The following TSNARE1 variants were observed in gnomAD, a reference collection of about 807,000 sequenced individuals.
TSNARE1 encodes the protein t-SNARE domain-containing protein 1.
In TSNARE1, 49 loss-of-function variants were observed where a neutral mutation model predicts 62.0. That is an observed-to-expected ratio of 0.79 (90% CI 0.63 to 1.00). The LOEUF is 1.00. TSNARE1 is among the 50% of genes least tolerant of loss of function. TSNARE1 has a pLI of 0.00. For missense variants in TSNARE1, 755 were observed against 700.1 expected (o/e 1.08, Z -0.88); for synonymous variants, 328 against 294.4 (o/e 1.11, Z -1.17).
At chr8:142,386,818 C>T (rs1837146066) in intron 1 of TSNARE1, among the ~76,000 whole-genome samples, 1 of 152,158 alleles carries the variant, frequency 6.6e-6, no homozygotes, top group Non-Finnish European at 1.5e-5. Flanking sequence ...GCAGCCAACA[C>T]TCACAGGAGC....
intron 12 of TSNARE1, chr8:142,274,003 AGT>A (rs1437335307): frequency 2.0e-6 from 2 of 984,660 alleles, no homozygotes; most frequent in African/African-American, 1.8e-5. Flanking sequence ...CGCCCTCAAG[AGT>A]GTGTGCTCTC....
intron 12 of TSNARE1, chr8:142,273,894 C>T (rs1291232717): frequency 1.0e-6 from 1 of 985,184 alleles, no homozygotes; most frequent in Admixed American, 6.2e-5. Context: ...GCTCCTCTCT[C>T]GTCACACCTG....
chr8:142,251,531 G>A (rs1190821063), intron 12 of TSNARE1, among the ~76,000 whole-genome samples: 4 of 152,120 alleles, frequency 2.6e-5, no homozygotes, highest in East Asian at 1.9e-4. Context: ...GCTCCTGTCC[G>A]TCCGAGCAGC....
At chr8:142,235,349 G>A (rs929206373) in intron 12 of TSNARE1, among the ~76,000 whole-genome samples, 3 of 151,992 alleles carry the variant, frequency 2.0e-5, no homozygotes, top group African/African-American at 7.2e-5. Context: ...GTCGGGCCAT[G>A]AGGCCTCCTC....
intron 1 of TSNARE1, among the ~76,000 whole-genome samples, chr8:142,360,605 G>T (rs189270750): frequency 1.3e-5 from 2 of 151,676 alleles, no homozygotes; most frequent in Non-Finnish European, 2.9e-5. Flanking sequence ...TCAGGCTGGC[G>T]CCGGCCCTCC....
intron 1 of TSNARE1, among the ~76,000 whole-genome samples, chr8:142,381,940 A>G (rs889804833): frequency 9.2e-5 from 14 of 152,180 alleles, no homozygotes; most frequent in African/African-American, 3.1e-4. Flanking sequence ...CCACTCTCAG[A>G]CGCTGCCCAG....
chr8:142,328,772 C>T (rs577793923), intron 6 of TSNARE1, among the ~76,000 whole-genome samples: 119 of 145,952 alleles, frequency 8.2e-4, no homozygotes, highest in African/African-American at 2.8e-3. Flanking sequence ...GGGATCGCAA[C>T]GTGGCCACTG....
At chr8:142,323,425 C>T (rs1829777982) in intron 6 of TSNARE1, among the ~76,000 whole-genome samples, 1 of 152,184 alleles carries the variant, frequency 6.6e-6, no homozygotes, top group African/African-American at 2.4e-5. Context: ...AGTGAGCCAT[C>T]GGGGACTCTC....
intron 12 of TSNARE1, among the ~76,000 whole-genome samples, chr8:142,237,881 C>T (rs1182491558): frequency 6.6e-6 from 1 of 152,168 alleles, no homozygotes. Flanking sequence ...CTTTTTAATG[C>T]GTCTGACTTA....
intron 6 of TSNARE1, among the ~76,000 whole-genome samples, chr8:142,322,247 T>C (rs1829572689): frequency 6.6e-6 from 1 of 152,124 alleles, no homozygotes; most frequent in African/African-American, 2.4e-5. Context: ...TTTCCTTAAC[T>C]AGAAAAAAGA....
chr8:142,227,548 G>A (rs184823764), intron 13 of TSNARE1, among the ~76,000 whole-genome samples: 2 of 152,328 alleles, frequency 1.3e-5, no homozygotes, highest in African/African-American at 4.8e-5. Flanking sequence ...CCCAACACCA[G>A]CAGCTCTGGA....
intron 12 of TSNARE1, chr8:142,269,821 G>A (rs1819366473): frequency 8.1e-6 from 8 of 985,330 alleles, no homozygotes; most frequent in Non-Finnish European, 9.6e-6. Flanking sequence ...TAGCCTGGAG[G>A]GAGGCCAGGC....
intron 13 of TSNARE1, among the ~76,000 whole-genome samples, chr8:142,222,901 TACTCATCCACTCATTCACTCATTC>T (rs1816477470): frequency 6.2e-5 from 2 of 32,210 alleles, no homozygotes; most frequent in South Asian, 2.8e-3. Context: ...CTCATTCACT[TACTCATCCACTCATTCACTCATTC>T]ACTCATCCAC....
chr8:142,331,004 A>G, intron 5 of TSNARE1, 34 bp from the exon 6 acceptor site: 1 of 1,600,130 alleles, frequency 6.2e-7, no homozygotes, highest in South Asian at 1.1e-5. Context: ...GTGAGGGCAG[A>G]AGGAGCTTCC....
chr8:142,304,266 C>T (rs1826283234), intron 9 of TSNARE1, among the ~76,000 whole-genome samples: 1 of 152,232 alleles, frequency 6.6e-6, no homozygotes, highest in African/African-American at 2.4e-5. Context: ...CGCGCCAAGC[C>T]CAGCAACCCC....
intron 12 of TSNARE1, among the ~76,000 whole-genome samples, chr8:142,266,166 T>G (rs1188717833): frequency 1.3e-5 from 2 of 152,248 alleles, no homozygotes; most frequent in Non-Finnish European, 2.9e-5. Context: ...CTCAGAATAT[T>G]TGGACAATTC....
chr8:142,251,729 GCCAC>G, intron 12 of TSNARE1, among the ~76,000 whole-genome samples: 1 of 147,304 alleles, frequency 6.8e-6, no homozygotes, highest in Admixed American at 6.7e-5. Context: ...CCATGTACCC[GCCAC>G]CCGCGATCTC....
At chr8:142,337,328 G>A (rs963283892) in intron 4 of TSNARE1, among the ~76,000 whole-genome samples, 5 of 152,168 alleles carry the variant, frequency 3.3e-5, no homozygotes, top group Non-Finnish European at 5.9e-5. Context: ...CAACTTGCAG[G>A]TAATAATCCC....
chr8:142,281,970 CA>C lies in TSNARE1; in HGVS notation c.1363+2442del, dbSNP rs2130811257. On this transcript the variant is annotated intron_variant, in intron 11 of 13. Transcript: ENST00000524325. Reference sequence around the variant, plus strand: ...CTCCTGGGGACTCAGAGGCAAGGGACAAGACTGTGGGCCTCCCACTTCCTGC... The same window carrying C: ...CTCCTGGGGACTCAGAGGCAAGGGACAGACTGTGGGCCTCCCACTTCCTGC... Among the ~76,000 whole-genome samples, 3 of 152,318 alleles carry C rather than the reference CA, an allele frequency of 2.0e-5. No homozygotes were observed. In the South Asian group the frequency reaches 6.2e-4, roughly 32 times the overall value.
Sources: allele counts gnomAD v4.1 joint callset (sites outside exome capture counted in the v4.1 genomes callset), GRCh38; gene constraint gnomAD v4.1.1; transcripts MANE v1.5; gene names NCBI Gene and HGNC (gene_info 2026-07-23, HGNC 2026-07-21).